WWC2: variants seen among roughly 807,000 people sequenced by gnomAD.
The protein encoded by WWC2 is protein WWC2.
A neutral mutation model predicts 138.5 loss-of-function variants in WWC2; 101 were observed. The ratio of observed to expected loss-of-function variants is 0.73; its 90% CI spans 0.62 to 0.86. WWC2 has a LOEUF of 0.86. Ranked by LOEUF, WWC2 falls within the 40% of genes least tolerant of loss-of-function variation. The pLI is 0.00. For missense variants in WWC2, 1,420 were observed against 1,419.4 expected, an observed-to-expected ratio of 1.00 and a Z score of -0.01; for synonymous variants, 558 against 538.4, an observed-to-expected ratio of 1.04 and a Z score of -0.50.
intron 2 of WWC2, among the ~76,000 whole-genome samples, chr4:183,201,287 T>C (rs1291723096): frequency 1.3e-5 from 2 of 151,922 alleles, no homozygotes; most frequent in Non-Finnish European, 2.9e-5. Flanking sequence ...TTGTTTTTTT[T>C]CACAGTTAGG....
intron 1 of WWC2, among the ~76,000 whole-genome samples, chr4:183,109,375 AT>A (rs1732154498): frequency 6.6e-6 from 1 of 152,212 alleles, no homozygotes; most frequent in East Asian, 1.9e-4. Flanking sequence ...TGGCACATTT[AT>A]TAGTGATCAT....
At chr4:183,286,492 C>G (rs1738258604) in intron 20 of WWC2, among the ~76,000 whole-genome samples, 1 of 152,248 alleles carries the variant, frequency 6.6e-6, no homozygotes, top group Non-Finnish European at 1.5e-5. Flanking sequence ...CTTGCTTACA[C>G]AGATATCTTT....
intron 16 of WWC2, among the ~76,000 whole-genome samples, chr4:183,271,792 T>C (rs1737702418): frequency 6.6e-6 from 1 of 152,136 alleles, no homozygotes; most frequent in Admixed American, 6.5e-5. Flanking sequence ...TTGCTTTTGC[T>C]CAGGAGTTCA....
At chr4:183,102,848 C>T (rs1743223016) in intron 1 of WWC2, among the ~76,000 whole-genome samples, 1 of 146,904 alleles carries the variant, frequency 6.8e-6, no homozygotes, top group South Asian at 2.2e-4. Context: ...GGCCATAGGT[C>T]TTGGCCAAAT....
At chr4:183,256,710 A>G (rs1050896709) in intron 9 of WWC2, among the ~76,000 whole-genome samples, 4 of 152,112 alleles carry the variant, frequency 2.6e-5, no homozygotes, top group Admixed American at 6.5e-5. Context: ...TGGTACCTAC[A>G]TGACTGTCAA....
Position 183,319,808 on chromosome 4 carries a change from G to A in WWC2, c.*4079G>A. ...GAACCGTCTTGTGGGCAACCCAAGAGACGGGAACCAGGGCTGTGACTCCCG... is the reference window on the plus strand; with the variant it reads ...GAACCGTCTTGTGGGCAACCCAAGAAACGGGAACCAGGGCTGTGACTCCCG... On this transcript the variant is annotated 3_prime_UTR_variant, in exon 23 of 23. Transcript: ENST00000403733. 8 of 1,614,010 alleles carry A rather than the reference G, an allele frequency of 5.0e-6. No individual in the cohort carries two copies. The highest frequency in any genetic ancestry group is 5.9e-6 in the Non-Finnish European group (7 of 1,179,926).
chr4:183,207,041 G>C (rs1431165363), intron 2 of WWC2, among the ~76,000 whole-genome samples: 6 of 152,212 alleles, frequency 3.9e-5, no homozygotes, highest in African/African-American at 1.4e-4. Flanking sequence ...ACTTGCAGAT[G>C]AGGTGGCTGG....
intron 1 of WWC2, among the ~76,000 whole-genome samples, chr4:183,122,060 C>T (rs1457438954): frequency 6.6e-6 from 1 of 151,984 alleles, no homozygotes; most frequent in Non-Finnish European, 1.5e-5. Flanking sequence ...GCAGGGATTA[C>T]AGGCGTGAGC....
At chr4:183,191,853 A>C (rs563978411) in intron 1 of WWC2, among the ~76,000 whole-genome samples, 2 of 152,014 alleles carry the variant, frequency 1.3e-5, no homozygotes, top group Admixed American at 1.3e-4. Context: ...TTGGCTTCCC[A>C]GAGTGCGGAG....
intron 21 of WWC2, among the ~76,000 whole-genome samples, chr4:183,297,669 C>A (rs1718949817): frequency 6.6e-6 from 1 of 152,178 alleles, no homozygotes. Flanking sequence ...CTTGGCCTCC[C>A]AAAGTGCTGG....
chr4:183,160,388 A>G (rs1372168307), intron 1 of WWC2, among the ~76,000 whole-genome samples: 1 of 152,240 alleles, frequency 6.6e-6, no homozygotes, highest in Admixed American at 6.5e-5. Context: ...TGAAATTGGA[A>G]GTGATTAGAA....
At chr4:183,305,049 G>A (rs1432960291) in intron 21 of WWC2, among the ~76,000 whole-genome samples, 1 of 152,106 alleles carries the variant, frequency 6.6e-6, no homozygotes, top group Non-Finnish European at 1.5e-5. Flanking sequence ...AAGGAGAGAG[G>A]TGGAAATTCT....
In WWC2 at chr4:183,257,688, C is replaced by A. The variant is rs779667506; in HGVS notation, c.1197-1951C>A. Among the ~76,000 whole-genome samples the A allele has an allele frequency of 2.6e-5, 4 of 152,124 alleles. No homozygotes were observed. The South Asian group carries it at 8.3e-4, about 32-fold the overall frequency. Reference sequence around the variant, plus strand: ...TACACGTGGATTCTGAGGAAGACTTCAGGCTTTCGCTAGGAGAGGCTTTGG... The same window carrying A: ...TACACGTGGATTCTGAGGAAGACTTAAGGCTTTCGCTAGGAGAGGCTTTGG... On this transcript the variant is annotated intron_variant, in intron 9 of 22. Transcript: ENST00000403733.
In WWC2 at chr4:183,316,075, C is replaced by T. The variant is rs1739429377; in HGVS notation, c.*346C>T. On this transcript the variant is annotated 3_prime_UTR_variant, in exon 23 of 23. Transcript: ENST00000403733. ...TGTTGAGCCGGCTGTTGAGAAACAA[C>T]TTGGTTCAGCCGGTGGTTTTGCTTC... 1 of 203,892 alleles carries T rather than the reference C, an allele frequency of 4.9e-6. No homozygotes were observed. Among genetic ancestry groups the T allele is most frequent in the Non-Finnish European group, 1.0e-5 (1 of 99,630 alleles). 12.6% of individuals were successfully genotyped at this position (203,892 alleles called of 1,614,324 possible). A position where few individuals can be genotyped will look rare whatever the true frequency, so the allele number is the denominator to read the frequency against.
intron 4 of WWC2, among the ~76,000 whole-genome samples, chr4:183,239,221 A>G (rs1736534900): frequency 6.6e-6 from 1 of 152,120 alleles, no homozygotes; most frequent in Non-Finnish European, 1.5e-5. Context: ...ATGCTGAGGC[A>G]TGAGAATCGC....
intron 4 of WWC2, among the ~76,000 whole-genome samples, chr4:183,238,210 C>T (rs1044048545): frequency 3.9e-5 from 6 of 152,184 alleles, no homozygotes; most frequent in East Asian, 1.9e-4. Context: ...AAAGCACCTT[C>T]GTCCACCCTG....
chr4:183,304,251 T>A (rs1738954058), intron 21 of WWC2, among the ~76,000 whole-genome samples: 1 of 152,112 alleles, frequency 6.6e-6, no homozygotes, highest in Non-Finnish European at 1.5e-5. Flanking sequence ...CTATGAGCAG[T>A]GACCTCTGCA....
chr4:183,275,449 T>A (rs1411939856), intron 16 of WWC2, among the ~76,000 whole-genome samples: 1 of 152,166 alleles, frequency 6.6e-6, no homozygotes, highest in Non-Finnish European at 1.5e-5. Context: ...GGCTTTTTCA[T>A]AGATGTCCTT....
intron 4 of WWC2, among the ~76,000 whole-genome samples, chr4:183,237,744 C>G (rs1411575216): frequency 6.6e-6 from 1 of 152,198 alleles, no homozygotes; most frequent in Non-Finnish European, 1.5e-5. Context: ...TCTGCTTTGT[C>G]CAAAGCACTG....
Sources: allele counts gnomAD v4.1 joint callset (sites outside exome capture counted in the v4.1 genomes callset), GRCh38; gene constraint gnomAD v4.1.1; transcripts MANE v1.5; gene names NCBI Gene and HGNC (gene_info 2026-07-23, HGNC 2026-07-21).